The following ASTN2 variants were observed in gnomAD, a reference collection of about 807,000 sequenced individuals.
ASTN2 encodes the protein astrotactin-2.
In ASTN2, 54 loss-of-function variants were observed where a neutral mutation model predicts 139.8. The ratio of observed to expected loss-of-function variants is 0.39; its 90% CI spans 0.31 to 0.48. The LOEUF (loss-of-function observed/expected upper bound fraction) is 0.48, where lower values mean the gene tolerates loss of function less well. Ranked by LOEUF, ASTN2 falls within the 20% of genes least tolerant of loss-of-function variation. The probability of loss-of-function intolerance (pLI) is 0.95; values close to 1 mark genes in which losing one functional copy is unlikely to be tolerated. For missense variants in ASTN2, 1,565 were observed against 1,725.1 expected, an observed-to-expected ratio of 0.91 and a Z score of 1.64; for synonymous variants, 756 against 719.5, an observed-to-expected ratio of 1.05 and a Z score of -0.81.
intron 2 of ASTN2, among the ~76,000 whole-genome samples, chr9:117,261,437 C>A (rs752897372): frequency 2.0e-5 from 3 of 152,106 alleles, no homozygotes; most frequent in Non-Finnish European, 4.4e-5. Context: ...AGCTTCAAAG[C>A]ACTTGGAACG....
At chr9:116,626,803 G>T (rs1299432749) in intron 17 of ASTN2, among the ~76,000 whole-genome samples, 4 of 152,192 alleles carry the variant, frequency 2.6e-5, no homozygotes, top group African/African-American at 9.7e-5. Context: ...GATCAGGACG[G>T]AATTGATGAA....
intron 1 of ASTN2, among the ~76,000 whole-genome samples, chr9:117,376,003 G>A (rs1296415552): frequency 6.6e-6 from 1 of 152,002 alleles, no homozygotes; most frequent in Non-Finnish European, 1.5e-5. Flanking sequence ...ATTCTTATAA[G>A]GACACAGTGA....
At position 117,218,052 on chromosome 9, in the gene ASTN2, C is replaced by T. The variant is rs12001251; in HGVS notation, c.631-3310G>A. 2.6e-3 allele frequency among the ~76,000 whole-genome samples: 393 copies of T among 152,326 alleles called. 3 individuals are homozygous for T. Among genetic ancestry groups the T allele is most frequent in the African/African-American group, 8.9e-3 (369 of 41,582 alleles). ...TCCAGCATGACTTTAAAACCATGCT[C>T]GGAGTGGAGAAGGCACAGGAGCAAA... On this transcript the variant is annotated intron_variant, in intron 2 of 22. Transcript: ENST00000313400.
chr9:116,526,833 A>G (rs1162936883), intron 19 of ASTN2, among the ~76,000 whole-genome samples: 1 of 152,180 alleles, frequency 6.6e-6, no homozygotes, highest in African/African-American at 2.4e-5. Flanking sequence ...AAGTGATTAG[A>G]GAATGTCTGA....
chr9:116,511,829 T>C (rs1253609780), intron 19 of ASTN2, among the ~76,000 whole-genome samples: 2 of 152,220 alleles, frequency 1.3e-5, no homozygotes, highest in Non-Finnish European at 2.9e-5. Flanking sequence ...AGTATGTATC[T>C]CTGTGGGATT....
chr9:117,205,722 G>T (rs1045442957), intron 3 of ASTN2, among the ~76,000 whole-genome samples: 5 of 152,120 alleles, frequency 3.3e-5, no homozygotes, highest in Admixed American at 1.3e-4. Flanking sequence ...AAAAAATAAG[G>T]CTTTCTTTAG....
At chr9:116,741,997 A>G (rs1829107852) in intron 13 of ASTN2, among the ~76,000 whole-genome samples, 2 of 152,354 alleles carry the variant, frequency 1.3e-5, no homozygotes, top group South Asian at 2.1e-4. Context: ...AGGCATTAGG[A>G]ATACAACAAT....
chr9:116,777,549 GA>G (rs1483159956), intron 13 of ASTN2, among the ~76,000 whole-genome samples: 1 of 152,104 alleles, frequency 6.6e-6, no homozygotes, highest in Non-Finnish European at 1.5e-5. Context: ...ACAGAGAGTA[GA>G]CGTGGCATGT....
intron 19 of ASTN2, among the ~76,000 whole-genome samples, chr9:116,572,553 G>C (rs1454704745): frequency 6.6e-6 from 1 of 152,220 alleles, no homozygotes; most frequent in Non-Finnish European, 1.5e-5. Flanking sequence ...GTATTCGGCA[G>C]ATGCGTCTTA....
At chr9:116,597,126 T>C (rs1248290745) in intron 19 of ASTN2, among the ~76,000 whole-genome samples, 1 of 152,080 alleles carries the variant, frequency 6.6e-6, no homozygotes, top group East Asian at 1.9e-4. Context: ...CTAGAATGTA[T>C]GGCTTCCATC....
chr9:117,358,195 A>C (rs2130890775), intron 1 of ASTN2, among the ~76,000 whole-genome samples: 1 of 152,150 alleles, frequency 6.6e-6, no homozygotes, highest in South Asian at 2.1e-4. Context: ...ATCATTCCTA[A>C]GAATTTGCAG....
intron 20 of ASTN2, among the ~76,000 whole-genome samples, chr9:116,486,354 A>G (rs576709810): frequency 1.3e-5 from 2 of 152,358 alleles, no homozygotes; most frequent in East Asian, 3.9e-4. Context: ...TTGATGAATG[A>G]ATAAATTAAT....
At chr9:117,183,923 A>G (rs1050849445) in intron 3 of ASTN2, among the ~76,000 whole-genome samples, 2 of 152,110 alleles carry the variant, frequency 1.3e-5, no homozygotes, top group Non-Finnish European at 2.9e-5. Context: ...TTTTCTTGCA[A>G]TGTGAGGACA....
intron 17 of ASTN2, among the ~76,000 whole-genome samples, chr9:116,623,758 C>T (rs368589915): frequency 6.6e-6 from 1 of 152,116 alleles, no homozygotes; most frequent in Admixed American, 6.6e-5. Flanking sequence ...TACAGAAAAG[C>T]GTGCAGGAGC....
rs1394866371 is a variant in ASTN2 at position 116,631,746 on chromosome 9, A to G, written c.3073-11303T>C. Among the ~76,000 whole-genome samples, 5 of 152,236 alleles carry G rather than the reference A, an allele frequency of 3.3e-5. No homozygotes were observed. The South Asian group carries it at 1.0e-3, about 31-fold the overall frequency. On this transcript the variant is annotated intron_variant, in intron 17 of 22. Transcript: ENST00000313400. ...GAATGTTCCCAATGTAAAAAAGGAA[A>G]AAAGATAAATGTTTTGGATGATGGA...
intron 11 of ASTN2, among the ~76,000 whole-genome samples, chr9:116,826,515 C>T (rs1383536087): frequency 2.6e-5 from 4 of 152,154 alleles, no homozygotes; most frequent in South Asian, 2.1e-4. Flanking sequence ...TGGGTGGCTG[C>T]GAGACTGGGG....
intron 1 of ASTN2, among the ~76,000 whole-genome samples, chr9:117,342,797 G>A (rs955757541): frequency 2.6e-5 from 4 of 152,112 alleles, no homozygotes; most frequent in African/African-American, 9.7e-5. Flanking sequence ...ATAACAATGC[G>A]GACCAGGAAC....
At chr9:117,408,901 G>C (rs1831082969) in intron 1 of ASTN2, among the ~76,000 whole-genome samples, 1 of 152,178 alleles carries the variant, frequency 6.6e-6, no homozygotes, top group Non-Finnish European at 1.5e-5. Flanking sequence ...GAGATGGAAA[G>C]AAGTGGGGTA....
intron 2 of ASTN2, among the ~76,000 whole-genome samples, chr9:117,244,354 G>T (rs1243722400): frequency 9.2e-5 from 14 of 152,138 alleles, no homozygotes; most frequent in Admixed American, 9.2e-4. Context: ...TACATACTAG[G>T]AGAAAAGCTC....
Sources: gnomAD v4.1 joint callset for allele counts (sites outside exome capture counted in the v4.1 genomes callset) on GRCh38, gnomAD v4.1.1 for gene constraint, MANE v1.5 for transcripts, NCBI Gene and HGNC (gene_info 2026-07-23, HGNC 2026-07-21) for gene names.